CCDC40: variants seen among roughly 807,000 people sequenced by gnomAD.
CCDC40 encodes coiled-coil domain 40 molecular ruler complex subunit, also known as coiled-coil domain-containing protein 40.
CCDC40 carries 104 observed loss-of-function variants against 124.5 expected under a neutral mutation model. The ratio of observed to expected loss-of-function variants is 0.84; its 90% CI spans 0.71 to 0.98. The LOEUF (loss-of-function observed/expected upper bound fraction) is 0.98. Among genes scored for constraint, CCDC40 ranks in the 50% least tolerant of loss-of-function variants. The pLI is 0.00. For synonymous variants in CCDC40, 580 were observed against 602.9 expected (o/e 0.96, Z 0.56); for missense variants, 1,463 against 1,503.9 (o/e 0.97, Z 0.45).
chr17:80,065,487 C>G lies in CCDC40; in HGVS notation c.1443C>G (p.Ala481=), dbSNP rs773600351. The change falls in exon 10 of 20, where the codon GCC becomes GCG. Residue 481 remains alanine (A), a splice_region_variant and synonymous_variant. Transcript: ENST00000397545. ...TRILRKAVSE[A]CTEIDAISVE... ...GCCCCCTCCCCTGTTGGCTGCAGGC[C>G]TGCACCGAGATCGACGCCATCAGCG... The G allele has an allele frequency of 6.2e-7, 1 of 1,612,224 alleles. No individual in the cohort carries two copies. Among genetic ancestry groups the G allele is most frequent in the East Asian group, 2.2e-5 (1 of 44,736 alleles).
chr17:80,063,549 T>G (rs1433813375), intron 9 of CCDC40, among the ~76,000 whole-genome samples: 1 of 152,198 alleles, frequency 6.6e-6, no homozygotes, highest in Non-Finnish European at 1.5e-5. Context: ...GGTCCCCACC[T>G]GCTGCCTGGG....
chr17:80,067,415 C>A (rs1424311370), intron 10 of CCDC40: 1 of 637,768 alleles, frequency 1.6e-6, no homozygotes. Context: ...AAAGCATATG[C>A]GTTCACCCGG....
At position 80,065,618 on chromosome 17, in the gene CCDC40, C is replaced by A; in HGVS notation, c.1562+12C>A. ...CTGGAGGCGCTCAGGTACTGCAGGG[C>A]CACAGGCAGCGAGGATGTGCGGGAA... On this transcript the variant is annotated intron_variant, in intron 10 of 19. Coordinates refer to ENST00000397545, the MANE Select transcript of CCDC40 (RefSeq NM_017950.4). 6.2e-7 allele frequency: 1 copy of A among 1,611,788 alleles called. No homozygotes were observed. The highest frequency in any genetic ancestry group is 1.1e-5 in the South Asian group (1 of 90,982).
In CCDC40 at chr17:80,087,557, G is replaced by GGC; in HGVS notation, c.2450-50_2450-49insGC. ...TCGGACACTGCTGCCTGCGGGCGAG[G>GGC]ACCCGTACCCTCCTGGGGTCTCTCC... On this transcript the variant is annotated intron_variant, in intron 14 of 19. Transcript: ENST00000397545. This position sits in a 1 kb window ranked among gnomAD's most constrained non-coding sequence, Gnocchi z 4.5. 1 of 1,542,056 alleles carries GGC rather than the reference G, an allele frequency of 6.5e-7. No individual in the cohort carries two copies. The highest frequency in any genetic ancestry group is 9.0e-7 in the Non-Finnish European group (1 of 1,116,178).
chr17:80,054,966 C>T (rs1017279928), intron 7 of CCDC40, among the ~76,000 whole-genome samples: 4 of 138,170 alleles, frequency 2.9e-5, no homozygotes, highest in Non-Finnish European at 6.0e-5. Flanking sequence ...CAGAGTGAGA[C>T]ACTGTCTCAA....
rs715041 is a variant in CCDC40, at chr17:80,084,633, G to A, written c.1990-110G>A. ...CTCCTGCACTCGTGACTGTGCGTTTGGAATATCTCCAGAGGAACATCCCGA... is the reference window on the plus strand; with the variant it reads ...CTCCTGCACTCGTGACTGTGCGTTTAGAATATCTCCAGAGGAACATCCCGA... On this transcript the variant is annotated intron_variant, in intron 12 of 19. Transcript: ENST00000397545. The A allele has an allele frequency of 0.12, 158,636 of 1,339,644 alleles. 10,599 individuals are homozygous for A. Among genetic ancestry groups the A allele is most frequent in the East Asian group, 0.24 (10,489 of 42,902 alleles). 83.0% of individuals were successfully genotyped at this position (1,339,644 alleles called of 1,614,324 possible).
At chr17:80,063,024 G>A (rs963631263) in intron 9 of CCDC40, among the ~76,000 whole-genome samples, 27 of 152,052 alleles carry the variant, frequency 1.8e-4, no homozygotes, top group African/African-American at 6.0e-4. Flanking sequence ...GTGAAACCCC[G>A]TCTCTACTAA....
In CCDC40 at chr17:80,088,112, A is replaced by AC. The variant is rs771380308; in HGVS notation, c.2711+10_2711+11insC. On this transcript the variant is annotated intron_variant, in intron 16 of 19. Coordinates refer to ENST00000397545, the MANE Select transcript of CCDC40 (RefSeq NM_017950.4). Reference sequence around the variant, plus strand: ...AACTGGTGGAAGCAGAGTGAGTCCCAGTCTCCAGCCACACGTGGGTCATGA... The same window carrying AC: ...AACTGGTGGAAGCAGAGTGAGTCCCACGTCTCCAGCCACACGTGGGTCATGA... The AC allele has an allele frequency of 3.1e-6, 5 of 1,601,680 alleles. No individual in the cohort carries two copies.
Position 80,100,357 on chromosome 17 carries a change from G to C in CCDC40, c.*582G>C, listed in dbSNP as rs2038899239. On this transcript the variant is annotated 3_prime_UTR_variant, in exon 20 of 20. Transcript: ENST00000397545. ...TCAGATCCACAGCTTGCAGGAGAAA[G>C]TCAGTGGCCCCAGACACACGTAACA... 1 of 166,386 alleles carries C rather than the reference G, an allele frequency of 6.0e-6. No individual in the cohort carries two copies. Among genetic ancestry groups the C allele is most frequent in the African/African-American group, 2.4e-5 (1 of 41,540 alleles). The allele number at this position is 166,386 out of a possible 1,614,324, so 10.3% of individuals were successfully genotyped here. A position where few individuals can be genotyped will look rare whatever the true frequency, so the allele number is the denominator to read the frequency against.
Position 80,089,803 on chromosome 17 carries a change from A to G in CCDC40, c.2751A>G (p.Ala917=), listed in dbSNP as rs138219539. ...IMLWEKKIQL[A]KEMRSSVDSE... ...TTTGGGAGAAAAAAATCCAACTGGC[A>G]AAAGAGATGCGTTCCTCAGTGGATT... Residue 917 remains alanine, a synonymous_variant, in exon 17 of 20, where the codon GCA becomes GCG. Coordinates refer to ENST00000397545, the MANE Select transcript of CCDC40 (RefSeq NM_017950.4). 8.7e-6 allele frequency: 14 copies of G among 1,614,246 alleles called. No homozygotes were observed. The East Asian group carries it at 1.1e-4, about 13-fold the overall frequency.
intron 3 of CCDC40, among the ~76,000 whole-genome samples, chr17:80,044,610 G>A (rs1460083631): frequency 6.6e-6 from 1 of 151,456 alleles, no homozygotes; most frequent in Admixed American, 6.6e-5. Context: ...CTTGAGCTTG[G>A]GAGTCAGAGA....
chr17:80,089,367 C>G (rs535867996), intron 16 of CCDC40, among the ~76,000 whole-genome samples: 4 of 152,310 alleles, frequency 2.6e-5, no homozygotes, highest in Non-Finnish European at 5.9e-5. Context: ...TTATCTGGGA[C>G]CAATGCTTTG....
intron 9 of CCDC40, 115 bp from the exon 10 acceptor site, chr17:80,065,370 A>G: frequency 1.1e-5 from 15 of 1,350,666 alleles, no homozygotes; most frequent in Non-Finnish European, 1.4e-5. Context: ...CAAGGAAAGT[A>G]CCGGTGATAG....
Position 80,081,959 on chromosome 17 carries a change from T to G in CCDC40, c.1890T>G (p.Ala630=), listed in dbSNP as rs35578653. 821,726 of 1,613,186 alleles carry G rather than the reference T, an allele frequency of 0.51. 212,252 individuals carry two copies. Among genetic ancestry groups the G allele is most frequent in the Middle Eastern group, 0.63 (3,825 of 6,060 alleles). ...GELELRRKTD[A]AIREKLQEHM... Reference sequence around the variant, plus strand: ...TGGAGCTCAGGAGGAAGACGGATGCTGCCATCCGGGAGAAGCTGCAGGAGC... The same window carrying G: ...TGGAGCTCAGGAGGAAGACGGATGCGGCCATCCGGGAGAAGCTGCAGGAGC... Residue 630 remains alanine, a synonymous_variant, in exon 12 of 20, where the codon GCT becomes GCG. Coordinates refer to ENST00000397545, the MANE Select transcript of CCDC40 (RefSeq NM_017950.4).
In CCDC40 at chr17:80,084,955, C is replaced by A; in HGVS notation, c.2202C>A (p.Asn734Lys). The A allele has an allele frequency of 1.2e-6, 2 of 1,613,988 alleles. No individual in the cohort carries two copies. The highest frequency in any genetic ancestry group is 2.2e-5 in the South Asian group (2 of 91,080). Reference protein sequence around the residue: ...ERKQGLINFLNKQLERMVSEL... With the variant: ...ERKQGLINFLKKQLERMVSEL... The stretch of plus-strand genomic sequence containing the variant: ...AGCAAGGGCTCATCAACTTCCTCAA[C>A]AAGCAGCTGGAGCGGATGGTCTCCG... The change falls in exon 13 of 20, where the codon AAC becomes AAA. Residue 734 changes from asparagine to lysine, a missense_variant. Asn to Lys is a moderately conservative substitution (Grantham distance 94). Coordinates refer to ENST00000397545, the MANE Select transcript of CCDC40 (RefSeq NM_017950.4).
intron 3 of CCDC40, among the ~76,000 whole-genome samples, chr17:80,042,230 T>A (rs1028769418): frequency 2.0e-5 from 3 of 152,150 alleles, no homozygotes; most frequent in Admixed American, 6.6e-5. Flanking sequence ...GCAATTCTCC[T>A]GCCTCAGCCT....
In CCDC40 at chr17:80,070,098, T is replaced by G. The variant is rs867251683; in HGVS notation, c.1562+4492T>G. Among the ~76,000 whole-genome samples, 3 of 152,316 alleles carry G rather than the reference T, an allele frequency of 2.0e-5. No individual in the cohort carries two copies. In the East Asian group the frequency reaches 5.8e-4, roughly 29 times the overall value. Reference sequence around the variant, plus strand: ...AAGGGGACACTGTCCTTGCCCCCAGTTGATGGAGGAGGAAGGAGCGGAAGG... The same window carrying G: ...AAGGGGACACTGTCCTTGCCCCCAGGTGATGGAGGAGGAAGGAGCGGAAGG... On this transcript the variant is annotated intron_variant, in intron 10 of 19. Coordinates refer to ENST00000397545, the MANE Select transcript of CCDC40 (RefSeq NM_017950.4).
intron 19 of CCDC40, chr17:80,097,625 C>A (rs190033427): frequency 2.2e-4 from 126 of 586,034 alleles, no homozygotes; most frequent in Admixed American, 1.3e-3. Flanking sequence ...GGGCTGGGCT[C>A]ATGTTCAGCG....
chr17:80,076,097 C>G (rs2038304343), intron 10 of CCDC40, among the ~76,000 whole-genome samples: 1 of 152,154 alleles, frequency 6.6e-6, no homozygotes, highest in African/African-American at 2.4e-5. Flanking sequence ...TTAGAATATT[C>G]CATAAACTTG....
Sources: allele counts gnomAD v4.1 joint callset (sites outside exome capture counted in the v4.1 genomes callset), GRCh38; gene constraint gnomAD v4.1.1; non-coding constraint Gnocchi (gnomAD v3.1); transcripts MANE v1.5; gene names NCBI Gene and HGNC (gene_info 2026-07-23, HGNC 2026-07-21).